NPNT: variants seen among roughly 807,000 people sequenced by gnomAD.
NPNT encodes preosteoblast EGF-like repeat protein with MAM domain.
NPNT carries 45 observed loss-of-function variants against 68.6 expected under a neutral mutation model. That is an observed-to-expected ratio of 0.66 (90% CI 0.52 to 0.84). The LOEUF is 0.84. NPNT is among the 40% of genes least tolerant of loss of function. The pLI, the probability that NPNT is intolerant of heterozygous loss-of-function variation, is 0.00. For missense variants in NPNT, 672 were observed against 714.8 expected (o/e 0.94, Z 0.68); for synonymous variants, 233 against 253.3 (o/e 0.92, Z 0.76).
intron 2 of NPNT, 195 bp downstream of exon 2, chr4:105,898,196 A>C: frequency 7.3e-6 from 3 of 411,070 alleles, no homozygotes; most frequent in Non-Finnish European, 1.3e-5. Context: ...ATTACGGCCC[A>C]GCTTTGTCAT....
chr4:105,959,158 C>G, intron 10 of NPNT, 32 bp downstream of exon 10: 1 of 1,382,072 alleles, frequency 7.2e-7, no homozygotes, highest in Non-Finnish European at 1.0e-6. Context: ...TTTTCTGGTA[C>G]ACATTTCAAT....
rs1322112163 is a variant in NPNT, at chr4:105,970,725, G to A, written c.*1735G>A. On this transcript the variant is annotated 3_prime_UTR_variant, in exon 12 of 12. Coordinates refer to ENST00000379987, the MANE Select transcript of NPNT (RefSeq NM_001033047.3). Reference sequence around the variant, plus strand: ...TTGTCTATTTAAGATGGTTAAAGATGTTCTTACCCAAGGAAAAGTAACAAA... The same window carrying A: ...TTGTCTATTTAAGATGGTTAAAGATATTCTTACCCAAGGAAAAGTAACAAA... 1 of 413,098 alleles carries A rather than the reference G, an allele frequency of 2.4e-6. No individual in the cohort carries two copies. Among genetic ancestry groups the A allele is most frequent in the African/African-American group, 2.0e-5 (1 of 49,650 alleles). 25.6% of individuals were successfully genotyped at this position (413,098 alleles called of 1,614,324 possible). A position where few individuals can be genotyped will look rare whatever the true frequency, so the allele number is the denominator to read the frequency against.
At chr4:105,967,107 A>T in intron 10 of NPNT, 81 bp from the exon 11 acceptor site, 1 of 1,411,682 alleles carries the variant, frequency 7.1e-7, no homozygotes, top group Non-Finnish European at 9.7e-7. Flanking sequence ...AAAAAAAAAA[A>T]AAACTAAAAC....
intron 2 of NPNT, among the ~76,000 whole-genome samples, chr4:105,898,561 T>A (rs1187504403): frequency 6.6e-6 from 1 of 152,172 alleles, no homozygotes; most frequent in East Asian, 1.9e-4. Flanking sequence ...TAAATCCTTT[T>A]TTGGACTGGG....
At chr4:105,939,888 T>C (rs531794330) in intron 5 of NPNT, among the ~76,000 whole-genome samples, 187 bp from the exon 6 acceptor site, 2 of 152,260 alleles carry the variant, frequency 1.3e-5, no homozygotes, top group South Asian at 4.1e-4. Flanking sequence ...ATAACTTGGC[T>C]TAGAAGGCTG....
intron 1 of NPNT, among the ~76,000 whole-genome samples, chr4:105,896,417 C>A (rs1418235039): frequency 1.3e-5 from 2 of 152,038 alleles, no homozygotes; most frequent in Non-Finnish European, 1.5e-5. Flanking sequence ...GCCGCGTCTC[C>A]GCTGTCACTC....
chr4:105,949,164 G>T (rs1730618311), intron 8 of NPNT, among the ~76,000 whole-genome samples: 1 of 152,100 alleles, frequency 6.6e-6, no homozygotes, highest in Admixed American at 6.5e-5. Flanking sequence ...GAACTCCTAG[G>T]TTTAGCTAAG....
At chr4:105,920,967 A>C (rs549919558) in intron 2 of NPNT, among the ~76,000 whole-genome samples, 1 of 152,274 alleles carries the variant, frequency 6.6e-6, no homozygotes, top group South Asian at 2.1e-4. Flanking sequence ...CAGAGGTAAT[A>C]ATAATATGCT....
chr4:105,940,037 CT>C, intron 5 of NPNT, 37 bp from the exon 6 acceptor site: 2 of 1,596,608 alleles, frequency 1.3e-6, no homozygotes, highest in Non-Finnish European at 1.7e-6. Flanking sequence ...TTAACATACC[CT>C]TGCTCTTCCT....
At chr4:105,899,708 T>G (rs1388426556) in intron 2 of NPNT, among the ~76,000 whole-genome samples, 1 of 152,248 alleles carries the variant, frequency 6.6e-6, no homozygotes, top group African/African-American at 2.4e-5. Context: ...AAAATCCCTT[T>G]CAATTAAAAA....
Position 105,968,968 on chromosome 4 carries a change from G to A in NPNT, c.1676G>A (p.Gly559Asp), listed in dbSNP as rs1447268973. Reference protein sequence around the residue: ...IGLDDVSLKKGHCSEER With the variant: ...IGLDDVSLKKDHCSEER The stretch of plus-strand genomic sequence containing the variant: ...TTAGATGATGTGAGCTTGAAAAAAG[G>A]CCACTGCTCTGAAGAACGCTAACAA... The change falls in exon 12 of 12, where the codon GGC becomes GAC. Residue 559 changes from glycine to aspartate, a missense_variant. Transcript: ENST00000379987. 6.2e-7 allele frequency: 1 copy of A among 1,609,002 alleles called. No homozygotes were observed. Among genetic ancestry groups the A allele is most frequent in the Non-Finnish European group, 8.5e-7 (1 of 1,175,694 alleles).
chr4:105,949,680 C>T (rs1238462694), intron 8 of NPNT, among the ~76,000 whole-genome samples: 1 of 152,124 alleles, frequency 6.6e-6, no homozygotes, highest in African/African-American at 2.4e-5. Context: ...GACATGCTTT[C>T]TGTTCTAGCA....
At chr4:105,923,342 A>G (rs1337695543) in intron 2 of NPNT, among the ~76,000 whole-genome samples, 2 of 152,028 alleles carry the variant, frequency 1.3e-5, no homozygotes, top group African/African-American at 2.4e-5. Context: ...CCCTGAGTAT[A>G]TGGTATTGTA....
intron 2 of NPNT, among the ~76,000 whole-genome samples, chr4:105,901,596 G>T (rs1726421639): frequency 6.6e-6 from 1 of 152,118 alleles, no homozygotes; most frequent in African/African-American, 2.4e-5. Flanking sequence ...AGCAACTTGT[G>T]GTTTCTGAAG....
intron 8 of NPNT, among the ~76,000 whole-genome samples, chr4:105,957,248 G>T (rs923498562): frequency 6.6e-6 from 1 of 151,936 alleles, no homozygotes; most frequent in Non-Finnish European, 1.5e-5. Context: ...TCAAATTACA[G>T]CACTCGTTTA....
At chr4:105,918,169 CAAAT>C (rs1560900461) in intron 2 of NPNT, among the ~76,000 whole-genome samples, 1 of 152,122 alleles carries the variant, frequency 6.6e-6, no homozygotes, top group African/African-American at 2.4e-5. Context: ...CTTTAGAAAA[CAAAT>C]AAGCAAACTA....
chr4:105,942,257 T>C (rs1467978626), intron 7 of NPNT, 50 bp from the exon 8 acceptor site: 1 of 1,455,464 alleles, frequency 6.9e-7, no homozygotes, highest in Non-Finnish European at 9.3e-7. Context: ...AATGCTTCAC[T>C]TTTTAGGGAG....
chr4:105,900,122 A>T (rs1416615077), intron 2 of NPNT, among the ~76,000 whole-genome samples: 3 of 152,218 alleles, frequency 2.0e-5, no homozygotes, highest in Non-Finnish European at 4.4e-5. Flanking sequence ...TAATGTGAGA[A>T]ATGTTTTTGC....
chr4:105,895,589 CGCCCA>C lies in NPNT; in HGVS notation c.-63_-59del. Reference sequence around the variant, plus strand: ...CTCTCAGAGGGGCGCCTCCCATCGGCGCCCACCACCCCAACCTGTTCCTCGCGCGC... The same window carrying C: ...CTCTCAGAGGGGCGCCTCCCATCGGCCCACCCCAACCTGTTCCTCGCGCGC... On this transcript the variant is annotated 5_prime_UTR_variant, in exon 1 of 12. Transcript: ENST00000379987. 1 of 1,383,928 alleles carries C rather than the reference CGCCCA, an allele frequency of 7.2e-7. No homozygotes were observed. The highest frequency in any genetic ancestry group is 1.3e-5 in the South Asian group (1 of 79,182). The allele number at this position is 1,383,928 out of a possible 1,614,324, so 85.7% of individuals were successfully genotyped here. A position where few individuals can be genotyped will look rare whatever the true frequency, so the allele number is the denominator to read the frequency against.
Sources: allele counts gnomAD v4.1 joint callset (sites outside exome capture counted in the v4.1 genomes callset), GRCh38; gene constraint gnomAD v4.1.1; transcripts MANE v1.5; gene names NCBI Gene and HGNC (gene_info 2026-07-23, HGNC 2026-07-21).